MPDZ: variants seen among roughly 807,000 people sequenced by gnomAD.
MPDZ encodes multiple PDZ domain crumbs cell polarity complex component.
MPDZ carries 234 observed loss-of-function variants against 239.1 expected under a neutral mutation model. The ratio of observed to expected loss-of-function variants is 0.98; its 90% confidence interval spans 0.88 to 1.09. MPDZ has a LOEUF of 1.09. MPDZ is among the 50% of genes least tolerant of loss of function. The pLI, the probability that MPDZ is intolerant of heterozygous loss-of-function variation, is 0.00. For synonymous variants in MPDZ, 1,048 were observed against 881.3 expected (o/e 1.19, Z -3.35); for missense variants, 3,175 against 2,510.0 (o/e 1.26, Z -5.66).
chr9:13,201,419 T>C (rs915734794), intron 12 of MPDZ, among the ~76,000 whole-genome samples: 1 of 152,008 alleles, frequency 6.6e-6, no homozygotes, highest in Non-Finnish European at 1.5e-5. Context: ...GTATTGAATA[T>C]AGTTGGTTAC....
At chr9:13,117,652 C>A (rs1190422203) in intron 39 of MPDZ, among the ~76,000 whole-genome samples, 1 of 152,094 alleles carries the variant, frequency 6.6e-6, no homozygotes. Flanking sequence ...AATTTTCCCA[C>A]TATTACAAAT....
Position 13,188,900 on chromosome 9 carries a change from G to T in MPDZ, c.2248C>A (p.Arg750=), listed in dbSNP as rs752219824. 1 of 1,613,436 alleles carries T rather than the reference G, an allele frequency of 6.2e-7. No homozygotes were observed. Among genetic ancestry groups the T allele is most frequent in the South Asian group, 1.1e-5 (1 of 91,070 alleles). ...EKDGRLLPGD[R]LMFVNDVNLE... ...TTAACATCGTTTACAAACATGAGTC[G>T]GTCACCAGGAAGAAGTCGTCCATCC... The change falls in exon 17 of 47, where the codon CGA becomes AGA. Residue 750 remains arginine, a synonymous_variant. Coordinates refer to ENST00000319217, the MANE Select transcript of MPDZ (RefSeq NM_001378778.1).
At chr9:13,236,229 A>ATGTGTG (rs1564099296) in intron 3 of MPDZ, among the ~76,000 whole-genome samples, 2 of 26,550 alleles carry the variant, frequency 7.5e-5, no homozygotes, top group African/African-American at 2.3e-4. Context: ...GTGTGTGTAT[A>ATGTGTG]TGTATATGTG....
chr9:13,227,292 T>A (rs1960928095), intron 3 of MPDZ, among the ~76,000 whole-genome samples: 1 of 152,128 alleles, frequency 6.6e-6, no homozygotes, highest in African/African-American at 2.4e-5. Flanking sequence ...CTTTTGGGAA[T>A]CCTTTTAAAT....
intron 12 of MPDZ, among the ~76,000 whole-genome samples, chr9:13,202,395 A>G (rs996539134): frequency 3.9e-5 from 6 of 152,178 alleles, no homozygotes; most frequent in Non-Finnish European, 8.8e-5. Flanking sequence ...AGATGGCTCC[A>G]TGAGAGCACC....
rs888575866 is a variant in MPDZ at position 13,114,018 on chromosome 9, T to C, written c.5470A>G (p.Ser1824Gly). Reference protein sequence around the residue: ...ERRPSQSSQVSEGSLSSFTFP... With the variant: ...ERRPSQSSQVGEGSLSSFTFP... ...GTGAAAGATGACAGGCTGCCTTCAC[T>C]CACCTACAAATATACAACAATTATT... Residue 1824 changes from serine (S) to glycine (G), a missense_variant, in exon 41 of 47, where the codon AGT (serine) becomes GGT (glycine). Coordinates refer to ENST00000319217, the MANE Select transcript of MPDZ (RefSeq NM_001378778.1). 2 of 1,588,364 alleles carry C rather than the reference T, an allele frequency of 1.3e-6. No individual in the cohort carries two copies. The highest frequency in any genetic ancestry group is 1.8e-5 in the Admixed American group (1 of 56,462).
At chr9:13,164,056 G>A (rs1033678005) in intron 22 of MPDZ, among the ~76,000 whole-genome samples, 1 of 152,174 alleles carries the variant, frequency 6.6e-6, no homozygotes, top group Non-Finnish European at 1.5e-5. Flanking sequence ...ACTGTAAGCT[G>A]AGGAGCACAA....
intron 36 of MPDZ, among the ~76,000 whole-genome samples, chr9:13,122,843 C>G (rs1325730966): frequency 6.6e-6 from 1 of 152,020 alleles, no homozygotes; most frequent in African/African-American, 2.4e-5. Flanking sequence ...TGGGTTTAAC[C>G]CAACCTGGAT....
chr9:13,236,249 G>GTATATATATATATATATATA (rs1172287952), intron 3 of MPDZ, among the ~76,000 whole-genome samples: 3 of 35,848 alleles, frequency 8.4e-5, no homozygotes, highest in African/African-American at 2.3e-4. Context: ...GTGTGTGTGT[G>GTATATATATATATATATATA]TATATATATA....
intron 1 of MPDZ, among the ~76,000 whole-genome samples, chr9:13,253,483 C>A (rs1480715457): frequency 2.6e-5 from 4 of 152,142 alleles, no homozygotes; most frequent in Admixed American, 6.5e-5. Context: ...CATCTGTAAT[C>A]ACAAAATTTT....
rs773718305 is a variant in MPDZ at position 13,247,656 on chromosome 9, A to G, written c.162T>C (p.Ser54=). Residue 54 remains serine (S), a synonymous_variant, in exon 3 of 47, where the codon TCT becomes TCC. Coordinates refer to ENST00000319217, the MANE Select transcript of MPDZ (RefSeq NM_001378778.1). ...LFSQILSLQT[S]VQQLKDQVNI... is the part of the protein sequence containing the mutation. ...CTACCTGGTCTTTCAGCTGCTGTAC[A>G]GAAGTCTGAAGGCTCAGAATCTGAC... 4 of 1,613,162 alleles carry G rather than the reference A, an allele frequency of 2.5e-6. No individual in the cohort carries two copies. The highest frequency in any genetic ancestry group is 2.2e-5 in the East Asian group (1 of 44,838).
intron 21 of MPDZ, among the ~76,000 whole-genome samples, chr9:13,169,600 T>C (rs990474779): frequency 1.2e-4 from 18 of 152,256 alleles, no homozygotes; most frequent in Middle Eastern, 3.4e-3. Context: ...GTCACCTGCC[T>C]TCCATGATTG....
At chr9:13,228,814 G>C (rs1191541116) in intron 3 of MPDZ, among the ~76,000 whole-genome samples, 2 of 152,016 alleles carry the variant, frequency 1.3e-5, no homozygotes, top group African/African-American at 4.8e-5. Flanking sequence ...AGAAAAACTT[G>C]TCATAAATTT....
chr9:13,188,576 A>G (rs538050871), intron 17 of MPDZ, among the ~76,000 whole-genome samples: 7 of 152,214 alleles, frequency 4.6e-5, no homozygotes, highest in African/African-American at 1.7e-4. Context: ...TTAGAAGTTT[A>G]TTTATAAACT....
chr9:13,264,561 G>C lies in MPDZ; in HGVS notation c.-57-14189C>G, dbSNP rs75391045. Among the ~76,000 whole-genome samples the C allele has an allele frequency of 7.7e-4, 117 of 151,490 alleles. 1 individual carries two copies. In the East Asian group the frequency reaches 0.02, roughly 26 times the overall value. On this transcript the variant is annotated intron_variant, in intron 1 of 46. Transcript: ENST00000319217. ...GACTAACTCAACCGACCCTCTGAAA[G>C]GTCTGACTTTCCTTTTCTAAAAATG... is the stretch of plus-strand genomic sequence containing the variant.
intron 21 of MPDZ, among the ~76,000 whole-genome samples, chr9:13,172,168 C>A (rs1219620432): frequency 6.6e-6 from 1 of 152,056 alleles, no homozygotes; most frequent in Non-Finnish European, 1.5e-5. Context: ...CCTTGGCATG[C>A]AGTAAATTTT....
chr9:13,187,896 G>A (rs1480168633), intron 17 of MPDZ, among the ~76,000 whole-genome samples: 1 of 152,016 alleles, frequency 6.6e-6, no homozygotes, highest in Admixed American at 6.6e-5. Flanking sequence ...TATGTAGCAC[G>A]GATTCATAAA....
At chr9:13,269,609 A>G (rs1259702246) in intron 1 of MPDZ, among the ~76,000 whole-genome samples, 1 of 152,220 alleles carries the variant, frequency 6.6e-6, no homozygotes, top group Non-Finnish European at 1.5e-5. Flanking sequence ...CTGTTAATTG[A>G]ACATGCATAC....
At chr9:13,163,523 T>C (rs1410143967) in intron 22 of MPDZ, among the ~76,000 whole-genome samples, 1 of 152,188 alleles carries the variant, frequency 6.6e-6, no homozygotes, top group Non-Finnish European at 1.5e-5. Flanking sequence ...CCTGCTGTAA[T>C]GTTTAGAAAC....
Sources: allele counts gnomAD v4.1 joint callset (sites outside exome capture counted in the v4.1 genomes callset), GRCh38; gene constraint gnomAD v4.1.1; transcripts MANE v1.5; gene names NCBI Gene and HGNC (gene_info 2026-07-23, HGNC 2026-07-21).